Variants in DCST1 observed in about 807,000 individuals in gnomAD.
The protein encoded by DCST1 is E3 ubiquitin-protein ligase DCST1.
DCST1 carries 78 observed loss-of-function variants against 89.1 expected under a neutral mutation model. That is an observed-to-expected ratio of 0.88 (90% CI 0.73 to 1.06). The LOEUF (loss-of-function observed/expected upper bound fraction) is 1.06. Ranked by LOEUF, DCST1 falls within the 50% of genes least tolerant of loss-of-function variation. The probability of loss-of-function intolerance (pLI) is 0.00; values close to 1 mark genes in which losing one functional copy is unlikely to be tolerated. For missense variants in DCST1, 900 were observed against 928.6 expected (o/e 0.97, Z 0.40); for synonymous variants, 364 against 371.9 (o/e 0.98, Z 0.24).
chr1:155,048,838 C>T (rs1660749812), intron 16 of DCST1, among the ~76,000 whole-genome samples: 1 of 152,100 alleles, frequency 6.6e-6, no homozygotes, highest in Non-Finnish European at 1.5e-5. Context: ...CAGAGGGCTG[C>T]AGACCAGAAG....
Position 155,045,666 on chromosome 1 carries a change from T to C in DCST1, c.1173-227T>C, listed in dbSNP as rs1660594485. 4.8e-5 allele frequency: 27 copies of C among 560,202 alleles called. 1 individual carries two copies. In the South Asian group the frequency reaches 5.4e-4, roughly 11 times the overall value. The allele number at this position is 560,202 out of a possible 1,614,324, so 34.7% of individuals were successfully genotyped here. On this transcript the variant is annotated intron_variant, in intron 10 of 16. Coordinates refer to ENST00000295542, the MANE Select transcript of DCST1 (RefSeq NM_152494.4). ...CACCTCATCCCCTACTCACTTCTGCTATGTCTCACCCATCATGTAGGGGGA... is the reference window on the plus strand; with the variant it reads ...CACCTCATCCCCTACTCACTTCTGCCATGTCTCACCCATCATGTAGGGGGA...
chr1:155,044,665 GGAAAGAAGGGTGTC>G (rs1660557322), intron 10 of DCST1, among the ~76,000 whole-genome samples: 1 of 152,128 alleles, frequency 6.6e-6, no homozygotes, highest in African/African-American at 2.4e-5. Flanking sequence ...CGGTGGTCAA[GGAAAGAAGGGTGTC>G]CCTTGCGTAA....
At chr1:155,043,247 C>A in intron 9 of DCST1, 105 bp from the exon 10 acceptor site, 1 of 1,552,006 alleles carries the variant, frequency 6.4e-7, no homozygotes, top group Non-Finnish European at 8.8e-7. Context: ...CTGGGAGGGC[C>A]CCAGGGACAC....
Position 155,050,763 on chromosome 1 carries a change from G to T in DCST1, c.2016G>T (p.Ser672=). 1.4e-5 allele frequency: 22 copies of T among 1,611,564 alleles called. No individual in the cohort carries two copies. Among genetic ancestry groups the T allele is most frequent in the Non-Finnish European group, 1.8e-5 (21 of 1,179,070 alleles). The change falls in exon 17 of 17, where the codon TCG becomes TCT. Residue 672 remains serine, a synonymous_variant. Coordinates refer to ENST00000295542, the MANE Select transcript of DCST1 (RefSeq NM_152494.4). ...TLDCEAVYCW[S]CWDDMRQRCP... is the part of the protein sequence containing the mutation. Reference sequence around the variant, plus strand: ...ACTGCGAGGCCGTGTACTGCTGGTCGTGCTGGGACGACATGCGGCAGCGGT... The same window carrying T: ...ACTGCGAGGCCGTGTACTGCTGGTCTTGCTGGGACGACATGCGGCAGCGGT...
Position 155,040,370 on chromosome 1 carries a change from G to A in DCST1, c.392-115G>A, listed in dbSNP as rs1043110097. ...ACAAGTTGACCTTTCATAGGCTCTC[G>A]GCCCCACCACTGTATAGTTCTAGGC... On this transcript the variant is annotated intron_variant, in intron 5 of 16. Coordinates refer to ENST00000295542, the MANE Select transcript of DCST1 (RefSeq NM_152494.4). The A allele has an allele frequency of 6.5e-5, 73 of 1,120,354 alleles. No homozygotes were observed. The Middle Eastern group carries it at 7.5e-4, about 11-fold the overall frequency. 69.4% of individuals were successfully genotyped at this position (1,120,354 alleles called of 1,614,324 possible). A position where few individuals can be genotyped will look rare whatever the true frequency, so the allele number is the denominator to read the frequency against.
At chr1:155,043,634 T>A in intron 10 of DCST1, 125 bp downstream of exon 10, 1 of 1,198,002 alleles carries the variant, frequency 8.3e-7, no homozygotes, top group Non-Finnish European at 1.1e-6. Flanking sequence ...ATTATTTACC[T>A]TTGTCTTTGT....
chr1:155,046,099 T>C (rs1231718724), intron 11 of DCST1, 26 bp from the exon 12 acceptor site: 1 of 1,614,192 alleles, frequency 6.2e-7, no homozygotes. Flanking sequence ...TTGGGCTTCC[T>C]AACTGTGTGG....
intron 13 of DCST1, 143 bp from the exon 14 acceptor site, chr1:155,047,053 G>C: frequency 1.3e-6 from 1 of 754,902 alleles, no homozygotes; most frequent in Admixed American, 1.9e-5. Flanking sequence ...AGCAGGGAGG[G>C]GTTAGGATTC....
intron 16 of DCST1, chr1:155,048,946 CA>C (rs1408345789): frequency 1.4e-6 from 1 of 701,420 alleles, no homozygotes; most frequent in Admixed American, 2.0e-5. Flanking sequence ...TCTGAGGAAG[CA>C]GACTCCAGTC....
chr1:155,044,415 C>T (rs2102358479), intron 10 of DCST1, among the ~76,000 whole-genome samples: 1 of 139,130 alleles, frequency 7.2e-6, no homozygotes, highest in South Asian at 2.3e-4. Context: ...GTCGAAGCTG[C>T]AGTGAGCTGT....
At position 155,047,393 on chromosome 1, in the gene DCST1, G is replaced by A. The variant is rs1316103395; in HGVS notation, c.1612+81G>A. 3 of 1,283,230 alleles carry A rather than the reference G, an allele frequency of 2.3e-6. No individual in the cohort carries two copies. In the Admixed American group the frequency reaches 5.8e-5, roughly 25 times the overall value. 79.5% of individuals were successfully genotyped at this position (1,283,230 alleles called of 1,614,324 possible). ...AAAAGACTCCAAGGTAAAGAGTTAG[G>A]GGCCTGGGCCTTGGGTGTGGAGAGA... is the stretch of plus-strand genomic sequence containing the variant. On this transcript the variant is annotated intron_variant, in intron 14 of 16. Coordinates refer to ENST00000295542, the MANE Select transcript of DCST1 (RefSeq NM_152494.4).
rs1660439765 is a variant in DCST1 at position 155,041,506 on chromosome 1, A to T, written c.641A>T (p.Asp214Val). Residue 214 changes from aspartate to valine, a missense_variant, in exon 7 of 17, where the codon GAC becomes GTC. By Grantham distance (152) the Asp-to-Val change is radical. Transcript: ENST00000295542. ...GGCTACACGCCTGAGGATACCATGG[A>T]CTCAGGGGAGACAGCCCAGGGCAGG... is the stretch of plus-strand genomic sequence containing the variant. ...ETGYTPEDTM[D>V]SGETAQGREA... The T allele has an allele frequency of 6.2e-7, 1 of 1,613,848 alleles. No individual in the cohort carries two copies. The highest frequency in any genetic ancestry group is 1.1e-5 in the South Asian group (1 of 91,090).
chr1:155,049,415 G>A (rs1660780167), intron 16 of DCST1, among the ~76,000 whole-genome samples: 1 of 121,008 alleles, frequency 8.3e-6, no homozygotes. Context: ...CAATTGAATT[G>A]AATTTTTTTT....
intron 9 of DCST1, 43 bp downstream of exon 9, chr1:155,042,899 T>G (rs1571564009): frequency 2.5e-6 from 4 of 1,590,800 alleles, no homozygotes; most frequent in Admixed American, 1.8e-5. Context: ...AGATAGGGAG[T>G]GGGAGGAGGG....
In DCST1 at chr1:155,041,719, G is replaced by A. The variant is rs1457738955; in HGVS notation, c.754G>A (p.Val252Met). The A allele has an allele frequency of 6.2e-7, 1 of 1,614,228 alleles. No homozygotes were observed. Among genetic ancestry groups the A allele is most frequent in the Admixed American group, 1.7e-5 (1 of 60,028 alleles). Residue 252 changes from valine to methionine, a missense_variant, in exon 8 of 17, where the codon GTG becomes ATG. By Grantham distance (21) the Val-to-Met change is conservative. Transcript: ENST00000295542. Reference protein sequence around the residue: ...LKTKLRCSYVVNQAILSCRRW... With the variant: ...LKTKLRCSYVMNQAILSCRRW... ...ACCCTTGCTCCTTCCTACAGATGTG[G>A]TGAACCAGGCCATACTCAGCTGCCG...
At position 155,047,791 on chromosome 1, in the gene DCST1, C is replaced by T. The variant is rs747782403; in HGVS notation, c.1617C>T (p.Cys539=). 4 of 1,613,678 alleles carry T rather than the reference C, an allele frequency of 2.5e-6. No homozygotes were observed. Among genetic ancestry groups the T allele is most frequent in the Admixed American group, 1.7e-5 (1 of 60,006 alleles). The change falls in exon 15 of 17, where the codon TGC becomes TGT. Residue 539 remains cysteine (C), a synonymous_variant. Transcript: ENST00000295542. ...CCTGGCCTGCCCCTCCCCTAGCCTG[C>T]CTGCCCCAGCCTGTGGGCCTGGATG... The part of the protein sequence containing the change: ...ETVMESNNMP[C]LPQPVGLDAR...
In DCST1 at chr1:155,043,407, C is replaced by CTA; in HGVS notation, c.1070_1071insTA (p.Glu358ThrfsTer97). 6.2e-7 allele frequency: 1 copy of CTA among 1,613,974 alleles called. No homozygotes were observed. The highest frequency in any genetic ancestry group is 8.5e-7 in the Non-Finnish European group (1 of 1,179,954). On this transcript the variant is annotated frameshift_variant, in exon 10 of 17. Coordinates refer to ENST00000295542, the MANE Select transcript of DCST1 (RefSeq NM_152494.4). LOFTEE classifies it high-confidence loss of function. Reference sequence around the variant, plus strand: ...AACACAAGCTGGGAGCGCGTGAGCACCGAGGTGCGGGACTACGTGTACCGC... The same window carrying CTA: ...AACACAAGCTGGGAGCGCGTGAGCACTACGAGGTGCGGGACTACGTGTACCGC...
intron 13 of DCST1, 148 bp downstream of exon 13, chr1:155,046,634 G>A (rs1352590756): frequency 2.0e-5 from 16 of 803,012 alleles, no homozygotes; most frequent in African/African-American, 3.3e-5. Flanking sequence ...AAAGAGTCTC[G>A]CTCTGTCACC....
intron 10 of DCST1, among the ~76,000 whole-genome samples, chr1:155,044,478 C>G (rs1472448296): frequency 8.9e-5 from 6 of 67,774 alleles, no homozygotes; most frequent in Admixed American, 2.3e-4. Flanking sequence ...GAGAGCTTGT[C>G]TCAAAAAAAA....
Sources: allele counts gnomAD v4.1 joint callset (sites outside exome capture counted in the v4.1 genomes callset), GRCh38; gene constraint gnomAD v4.1.1; transcripts MANE v1.5; gene names NCBI Gene and HGNC (gene_info 2026-07-23, HGNC 2026-07-21).